Variants in PCSK2 observed in about 807,000 individuals in gnomAD.
PCSK2 encodes neuroendocrine convertase 2.
In PCSK2, 14 loss-of-function variants were observed where a neutral mutation model predicts 69.7. The ratio of observed to expected loss-of-function variants is 0.20; its 90% CI spans 0.13 to 0.31. PCSK2 has a LOEUF of 0.31. Among genes scored for constraint, PCSK2 ranks in the 10% least tolerant of loss-of-function variants. The pLI is 1.00. For synonymous variants in PCSK2, 307 were observed against 320.7 expected, an observed-to-expected ratio of 0.96 and a Z score of 0.46; for missense variants, 544 against 842.5, an observed-to-expected ratio of 0.65 and a Z score of 4.39.
chr20:17,469,655 A>C (rs756044118), intron 11 of PCSK2, among the ~76,000 whole-genome samples: 6 of 152,178 alleles, frequency 3.9e-5, no homozygotes, highest in Non-Finnish European at 1.5e-5. Flanking sequence ...CTTGACCTTA[A>C]TCAGCTCCCG....
chr20:17,482,186 T>C lies in PCSK2; in HGVS notation c.*116T>C, dbSNP rs368161899. ...CACCCGTACAGGCAATTCCGTCTTC[T>C]TAATCTGAAGCTTCACTCACTGTCA... On this transcript the variant is annotated 3_prime_UTR_variant, in exon 12 of 12. Coordinates refer to ENST00000262545, the MANE Select transcript of PCSK2 (RefSeq NM_002594.5). 14 of 918,450 alleles carry C rather than the reference T, an allele frequency of 1.5e-5. No homozygotes were observed. The African/African-American group carries it at 2.3e-4, about 15-fold the overall frequency. The allele number at this position is 918,450 out of a possible 1,614,324, so 56.9% of individuals were successfully genotyped here.
At chr20:17,348,682 G>A (rs180802580) in intron 2 of PCSK2, among the ~76,000 whole-genome samples, 3 of 152,338 alleles carry the variant, frequency 2.0e-5, no homozygotes, top group South Asian at 2.1e-4. Flanking sequence ...GGCCATGAGG[G>A]AAGGACCTGT....
intron 1 of PCSK2, among the ~76,000 whole-genome samples, chr20:17,246,773 G>A (rs1191652496): frequency 6.7e-6 from 1 of 149,552 alleles, no homozygotes; most frequent in East Asian, 2.0e-4. Flanking sequence ...AGCAGCTGTT[G>A]TTTCACTGAT....
chr20:17,335,451 G>GTGTGTGTGTGTA (rs1990322595), intron 2 of PCSK2, among the ~76,000 whole-genome samples: 2 of 151,946 alleles, frequency 1.3e-5, no homozygotes, highest in African/African-American at 4.8e-5. Context: ...GTGTGTGTGT[G>GTGTGTGTGTGTA]TGTGTGTGTG....
rs144059128 is a variant in PCSK2 at position 17,462,169 on chromosome 20, G to A, written c.1203-3157G>A. Among the ~76,000 whole-genome samples, 620 of 151,030 alleles carry A rather than the reference G, an allele frequency of 4.1e-3. 3 individuals are homozygous for A. The highest frequency in any genetic ancestry group is 0.014 in the African/African-American group (581 of 41,080). On this transcript the variant is annotated intron_variant, in intron 10 of 11. Transcript: ENST00000262545. ...CAGCGCCCCCACCCCCACCAGTGCC[G>A]TCCAGGAAGTTAGGAAGCTCTCCCC...
chr20:17,420,431 G>A (rs943742644), intron 6 of PCSK2, among the ~76,000 whole-genome samples: 1 of 152,180 alleles, frequency 6.6e-6, no homozygotes, highest in African/African-American at 2.4e-5. Flanking sequence ...GTTACTGCTT[G>A]TAACCAACCC....
intron 2 of PCSK2, among the ~76,000 whole-genome samples, chr20:17,264,459 G>T (rs1652694270): frequency 6.6e-6 from 1 of 152,038 alleles, no homozygotes; most frequent in African/African-American, 2.4e-5. Flanking sequence ...TCTATATTTA[G>T]AAGCTATATC....
At chr20:17,429,980 C>T (rs1213653119) in intron 7 of PCSK2, among the ~76,000 whole-genome samples, 4 of 152,104 alleles carry the variant, frequency 2.6e-5, no homozygotes, top group Admixed American at 2.6e-4. Context: ...TAATGAGTCT[C>T]AAATATAGAC....
intron 6 of PCSK2, among the ~76,000 whole-genome samples, chr20:17,414,915 A>G (rs2031964649): frequency 6.6e-6 from 1 of 152,232 alleles, no homozygotes; most frequent in Admixed American, 6.5e-5. Context: ...CATCACATAA[A>G]CAGAACCAAT....
chr20:17,325,786 G>C (rs1241497819), intron 2 of PCSK2, among the ~76,000 whole-genome samples: 2 of 152,106 alleles, frequency 1.3e-5, no homozygotes, highest in Non-Finnish European at 2.9e-5. Context: ...GCTAGCCCAG[G>C]CATGTTATTC....
intron 1 of PCSK2, among the ~76,000 whole-genome samples, chr20:17,245,310 C>CTG (rs1403239208): frequency 6.6e-6 from 1 of 152,220 alleles, no homozygotes; most frequent in Non-Finnish European, 1.5e-5. Flanking sequence ...GCCTTGTTAT[C>CTG]TGTGTGGAAT....
intron 5 of PCSK2, among the ~76,000 whole-genome samples, chr20:17,390,791 C>T (rs955199436): frequency 6.6e-6 from 1 of 151,678 alleles, no homozygotes; most frequent in Non-Finnish European, 1.5e-5. Flanking sequence ...TGCAATTTCC[C>T]TTCTCTCTCC....
At chr20:17,427,754 G>T (rs1352699119) in intron 6 of PCSK2, among the ~76,000 whole-genome samples, 1 of 151,882 alleles carries the variant, frequency 6.6e-6, no homozygotes, top group Non-Finnish European at 1.5e-5. Flanking sequence ...GGGGCTGATT[G>T]GTTTAGGATG....
chr20:17,257,641 C>T (rs1250422803), intron 1 of PCSK2, among the ~76,000 whole-genome samples: 1 of 151,926 alleles, frequency 6.6e-6, no homozygotes, highest in East Asian at 1.9e-4. Flanking sequence ...TTGTTTTTAC[C>T]CTTTGCTAAG....
chr20:17,459,302 T>C (rs914931705), intron 10 of PCSK2, among the ~76,000 whole-genome samples: 1 of 152,220 alleles, frequency 6.6e-6, no homozygotes, highest in Admixed American at 6.5e-5. Flanking sequence ...ATTCTCATTG[T>C]TGAATATCAT....
At chr20:17,322,217 G>A (rs895554345) in intron 2 of PCSK2, among the ~76,000 whole-genome samples, 13 of 152,162 alleles carry the variant, frequency 8.5e-5, no homozygotes, top group Non-Finnish European at 1.2e-4. Flanking sequence ...GGGTGATTTC[G>A]AAGTTGGTCT....
At chr20:17,402,777 C>A (rs991047652) in intron 5 of PCSK2, among the ~76,000 whole-genome samples, 1 of 151,412 alleles carries the variant, frequency 6.6e-6, no homozygotes, top group Non-Finnish European at 1.5e-5. Context: ...ATATAGTGAA[C>A]CCCGTCTCTA....
chr20:17,388,826 G>A (rs1427348693), intron 5 of PCSK2, among the ~76,000 whole-genome samples: 5 of 152,114 alleles, frequency 3.3e-5, no homozygotes, highest in Non-Finnish European at 7.4e-5. Context: ...CGCACATCAT[G>A]GAGAGTTAGA....
intron 11 of PCSK2, among the ~76,000 whole-genome samples, chr20:17,471,152 C>T (rs537986496): frequency 6.6e-6 from 1 of 152,154 alleles, no homozygotes; most frequent in African/African-American, 2.4e-5. Context: ...GGAATGAGGG[C>T]GTATGCTGAG....
Sources: gnomAD v4.1 joint callset for allele counts (sites outside exome capture counted in the v4.1 genomes callset) on GRCh38, gnomAD v4.1.1 for gene constraint, MANE v1.5 for transcripts, NCBI Gene and HGNC (gene_info 2026-07-23, HGNC 2026-07-21) for gene names.